CSN3: variants seen among roughly 807,000 people sequenced by gnomAD.
CSN3 encodes the protein kappa-casein.
A neutral mutation model predicts 9.9 loss-of-function variants in CSN3; 7 were observed. The ratio of observed to expected loss-of-function variants is 0.71; its 90% CI spans 0.40 to 1.33. The LOEUF (loss-of-function observed/expected upper bound fraction) is 1.33, where lower values mean the gene tolerates loss of function less well. Among genes scored for constraint, CSN3 ranks in the 40% most tolerant of loss-of-function variants. The pLI is 0.01. For synonymous variants in CSN3, 88 were observed against 82.3 expected, an observed-to-expected ratio of 1.07 and a Z score of -0.37; for missense variants, 253 against 227.9, an observed-to-expected ratio of 1.11 and a Z score of -0.71.
chr4:70,247,666 T>C (rs2109697733), intron 2 of CSN3, 152 bp from the exon 3 acceptor site: 1 of 616,492 alleles, frequency 1.6e-6, no homozygotes, highest in South Asian at 2.2e-5. Context: ...AAGTAGTCCA[T>C]AGGCCTCATA....
chr4:70,251,303 C>A (rs1730477594), exon 5 of CSN3: 1 of 152,168 alleles, frequency 6.6e-6, no homozygotes, highest in African/African-American at 2.4e-5. Context: ...TCTCCTTCAG[C>A]CATTTGTCTG....
intron 1 of CSN3, 110 bp from the exon 2 acceptor site, chr4:70,244,702 C>A: frequency 2.1e-6 from 1 of 467,090 alleles, no homozygotes; most frequent in Non-Finnish European, 3.4e-6. Flanking sequence ...GCTAAATCTA[C>A]CTGTAAATCT....
chr4:70,241,645 T>C (rs189036080), upstream of CSN3, among the ~76,000 whole-genome samples: 440 of 152,148 alleles, frequency 2.9e-3, no homozygotes, highest in Non-Finnish European at 4.5e-3. Context: ...GCCAAAATAT[T>C]CTCAATGTCA....
chr4:70,246,258 A>G (rs1445012791), intron 2 of CSN3, among the ~76,000 whole-genome samples: 1 of 152,172 alleles, frequency 6.6e-6, no homozygotes, highest in African/African-American at 2.4e-5. Flanking sequence ...TATTGGTGAC[A>G]TTATAATTTG....
exon 4 of CSN3, chr4:70,249,489 C>T (rs187096108): frequency 9.1e-6 from 14 of 1,533,738 alleles, no homozygotes; most frequent in Middle Eastern, 1.7e-4. Context: ...AAGAACACAA[C>T]GCAGGTAAAT....
chr4:70,238,383 G>C (rs1292887578), upstream of CSN3, among the ~76,000 whole-genome samples: 1 of 151,810 alleles, frequency 6.6e-6, no homozygotes, highest in Non-Finnish European at 1.5e-5. Flanking sequence ...TTAGGAGAGA[G>C]TTTGGCACAT....
At chr4:70,249,035 C>T in exon 4 of CSN3, 1 of 1,606,904 alleles carries the variant, frequency 6.2e-7, no homozygotes, top group Non-Finnish European at 8.5e-7. Flanking sequence ...TATCAGAAAA[C>T]AGCTCCATAT....
chr4:70,249,665 T>G (rs1318901068), intron 4 of CSN3, among the ~76,000 whole-genome samples, 172 bp downstream of exon 4: 5 of 152,192 alleles, frequency 3.3e-5, no homozygotes, highest in African/African-American at 1.2e-4. Flanking sequence ...TACACCAGAT[T>G]CTGTTCCAAC....
chr4:70,242,895 A>G (rs1262072479), intron 1 of CSN3, among the ~76,000 whole-genome samples: 1 of 152,138 alleles, frequency 6.6e-6, no homozygotes, highest in Non-Finnish European at 1.5e-5. Flanking sequence ...TCTGATACCA[A>G]CTAAATCATA....
At chr4:70,246,620 T>C (rs1366163150) in intron 2 of CSN3, among the ~76,000 whole-genome samples, 1 of 151,818 alleles carries the variant, frequency 6.6e-6, no homozygotes, top group Non-Finnish European at 1.5e-5. Flanking sequence ...TTAAGGTATC[T>C]AGATTGTCAG....
chr4:70,249,524 C>A, intron 4 of CSN3, 31 bp downstream of exon 4: 4 of 1,241,692 alleles, frequency 3.2e-6, no homozygotes, highest in South Asian at 1.4e-5. Context: ...ATGAGTAATT[C>A]CGACAAGAAG....
upstream of CSN3, among the ~76,000 whole-genome samples, chr4:70,238,765 A>G (rs1730218961): frequency 6.6e-6 from 1 of 151,786 alleles, no homozygotes; most frequent in Non-Finnish European, 1.5e-5. Context: ...GATAGAATTA[A>G]TAATTCTTCT....
chr4:70,247,215 G>A (rs1730395697), intron 2 of CSN3, among the ~76,000 whole-genome samples: 1 of 151,966 alleles, frequency 6.6e-6, no homozygotes. Flanking sequence ...AAGCTTTGGA[G>A]TTTTTAGTTT....
intron 4 of CSN3, among the ~76,000 whole-genome samples, chr4:70,251,029 T>C (rs1405791519): frequency 2.0e-5 from 3 of 151,992 alleles, no homozygotes; most frequent in Non-Finnish European, 4.4e-5. Flanking sequence ...CATATTTTAC[T>C]GATGCAAAAC....
At chr4:70,247,372 A>T (rs1403491671) in intron 2 of CSN3, among the ~76,000 whole-genome samples, 1 of 152,192 alleles carries the variant, frequency 6.6e-6, no homozygotes, top group Non-Finnish European at 1.5e-5. Context: ...GCAAGAGGCA[A>T]TATTTTAAAT....
chr4:70,246,518 TA>T (rs893098772), intron 2 of CSN3, among the ~76,000 whole-genome samples: 3 of 151,422 alleles, frequency 2.0e-5, no homozygotes, highest in Non-Finnish European at 4.4e-5. Flanking sequence ...ATGATATAAA[TA>T]AAAAAAAGAG....
chr4:70,247,983 G>A (rs1168298927), intron 3 of CSN3, 133 bp downstream of exon 3: 10 of 573,152 alleles, frequency 1.7e-5, no homozygotes, highest in Non-Finnish European at 2.5e-5. Flanking sequence ...AATAATATTT[G>A]CAAGAAAATA....
chr4:70,247,830 C>T lies in CSN3; in HGVS notation c.67C>T (p.Gln23Ter). 1.3e-6 allele frequency: 2 copies of T among 1,595,144 alleles called. No homozygotes were observed. The highest frequency in any genetic ancestry group is 1.7e-6 in the Non-Finnish European group (2 of 1,172,784). ...TGGAACTCCCCAGGCTGTGGAGGTT[C>T]AAAACCAGAAACAACCAGCAGTAAG... The change falls in exon 3 of 5, where the codon CAA (glutamine) becomes TAA (stop). Residue 23 changes from glutamine (Q) to a stop codon, truncating the protein, a stop_gained. Transcript: ENST00000304954. LOFTEE classifies it high-confidence loss of function.
chr4:70,240,871 A>C (rs62308372), upstream of CSN3, among the ~76,000 whole-genome samples: 17,234 of 151,942 alleles, frequency 0.11, 1,295 homozygotes, highest in East Asian at 0.27. Context: ...ATAATAATGT[A>C]CAGTTTTGCA....
Sources: gnomAD v4.1 joint callset for allele counts (sites outside exome capture counted in the v4.1 genomes callset) on GRCh38, gnomAD v4.1.1 for gene constraint, MANE v1.5 for transcripts, NCBI Gene and HGNC (gene_info 2026-07-23, HGNC 2026-07-21) for gene names.